PLAAT5: variants seen among roughly 807,000 people sequenced by gnomAD.
PLAAT5 encodes Ca(2+)-independent N-acyltransferase.
A neutral mutation model predicts 27.8 loss-of-function variants in PLAAT5; 27 were observed. That is an observed-to-expected ratio of 0.97 (90% CI 0.72 to 1.34). The LOEUF (loss-of-function observed/expected upper bound fraction) is 1.34, where lower values mean the gene tolerates loss of function less well. Ranked by LOEUF, PLAAT5 falls within the 40% of genes most tolerant of loss-of-function variation. PLAAT5 has a pLI of 0.00. For missense variants in PLAAT5, 368 were observed against 343.8 expected, an observed-to-expected ratio of 1.07 and a Z score of -0.56; for synonymous variants, 125 against 136.1, an observed-to-expected ratio of 0.92 and a Z score of 0.57.
chr11:63,465,356 G>GTAA (rs2015831274), intron 5 of PLAAT5, among the ~76,000 whole-genome samples: 1 of 145,058 alleles, frequency 6.9e-6, no homozygotes, highest in Non-Finnish European at 1.5e-5. Context: ...ATATTGGCAA[G>GTAA]TAATTCAAAC....
chr11:63,482,779 T>C (rs1466043276), intron 3 of PLAAT5, among the ~76,000 whole-genome samples: 2 of 152,156 alleles, frequency 1.3e-5, no homozygotes. Flanking sequence ...AAATTGACTG[T>C]AAATGGCCTA....
rs2015718648 is a variant in PLAAT5 at position 63,461,616 on chromosome 11, C to A, written c.*1887G>T. The A allele has an allele frequency of 6.6e-6, 1 of 152,214 alleles. No individual in the cohort carries two copies. The highest frequency in any genetic ancestry group is 6.5e-5 in the Admixed American group (1 of 15,288). 9.4% of individuals were successfully genotyped at this position (152,214 alleles called of 1,614,324 possible). A position where few individuals can be genotyped will look rare whatever the true frequency, so the allele number is the denominator to read the frequency against. On this transcript the variant is annotated 3_prime_UTR_variant, in exon 6 of 6. Coordinates refer to ENST00000540857, the MANE Select transcript of PLAAT5 (RefSeq NM_001146729.2). The stretch of plus-strand genomic sequence containing the variant: ...ACAGATTAAAAGAGAAACACACACA[C>A]ACACTTTGAGAAACTCGCCCTTCCT...
At chr11:63,477,752 C>T (rs902433759) in intron 3 of PLAAT5, among the ~76,000 whole-genome samples, 3 of 152,158 alleles carry the variant, frequency 2.0e-5, no homozygotes, top group African/African-American at 4.8e-5. Flanking sequence ...GGATTACAGG[C>T]GTGAGCCACA....
intron 3 of PLAAT5, among the ~76,000 whole-genome samples, chr11:63,484,739 G>A (rs535899911): frequency 3.2e-4 from 48 of 152,188 alleles, no homozygotes; most frequent in African/African-American, 9.6e-4. Flanking sequence ...GGAAAAAGAC[G>A]AGGATGCCCA....
Position 63,462,506 on chromosome 11 carries a change from A to G in PLAAT5, c.*997T>C, listed in dbSNP as rs2015744875. ...GAGTCTATTTTCTCCAAATAGGAGA[A>G]AAGCTTATGGAGATACCAACAGACC... On this transcript the variant is annotated 3_prime_UTR_variant, in exon 6 of 6. Transcript: ENST00000540857. 1 of 152,216 alleles carries G rather than the reference A, an allele frequency of 6.6e-6. No individual in the cohort carries two copies. The highest frequency in any genetic ancestry group is 2.1e-4 in the South Asian group (1 of 4,832). The allele number at this position is 152,216 out of a possible 1,614,324, so 9.4% of individuals were successfully genotyped here.
At chr11:63,475,629 G>T (rs1257935030) in intron 3 of PLAAT5, among the ~76,000 whole-genome samples, 2 of 151,826 alleles carry the variant, frequency 1.3e-5, no homozygotes, top group Non-Finnish European at 2.9e-5. Flanking sequence ...AATAAAGTTG[G>T]ATTTATGACT....
chr11:63,471,055 A>G (rs780177392), intron 3 of PLAAT5: 6 of 152,226 alleles, frequency 3.9e-5, no homozygotes, highest in Non-Finnish European at 5.9e-5. Context: ...GAAACCTTAC[A>G]GATGAAATGA....
chr11:63,488,899 T>A lies in PLAAT5; in HGVS notation c.317A>T (p.Glu106Val). 1 of 1,613,680 alleles carries A rather than the reference T, an allele frequency of 6.2e-7. No individual in the cohort carries two copies. Among genetic ancestry groups the A allele is most frequent in the Non-Finnish European group, 8.5e-7 (1 of 1,179,660 alleles). Residue 106 changes from glutamate (E) to valine (V), a missense_variant, in exon 3 of 6, where the codon GAA becomes GTA. Glu to Val is a moderately radical substitution (Grantham distance 121). Coordinates refer to ENST00000540857, the MANE Select transcript of PLAAT5 (RefSeq NM_001146729.2). ...AGCTGCTTGCTTTATTAACTTGCCTTCATTCTCAGGCTTTGGAATTGAACT... is the reference window on the plus strand; with the variant it reads ...AGCTGCTTGCTTTATTAACTTGCCTACATTCTCAGGCTTTGGAATTGAACT... ...DWSSIPKPEN[E>V]GKLIKQAAEG...
chr11:63,465,892 C>T (rs1031562580), intron 5 of PLAAT5, among the ~76,000 whole-genome samples: 8 of 152,142 alleles, frequency 5.3e-5, no homozygotes, highest in East Asian at 1.9e-4. Context: ...GGGCTCCAAT[C>T]GCTGGTCTTA....
At position 63,462,642 on chromosome 11, in the gene PLAAT5, C is replaced by T. The variant is rs1010227536; in HGVS notation, c.*861G>A. 6.6e-6 allele frequency: 1 copy of T among 152,124 alleles called. No individual in the cohort carries two copies. The highest frequency in any genetic ancestry group is 1.9e-4 in the East Asian group (1 of 5,198). The allele number at this position is 152,124 out of a possible 1,614,324, so 9.4% of individuals were successfully genotyped here. A position where few individuals can be genotyped will look rare whatever the true frequency, so the allele number is the denominator to read the frequency against. Reference sequence around the variant, plus strand: ...CTTTTCTAGCTTTTTTGGGTGGTTTCAGCTACCAGCTATCACTACAATCCC... The same window carrying T: ...CTTTTCTAGCTTTTTTGGGTGGTTTTAGCTACCAGCTATCACTACAATCCC... On this transcript the variant is annotated 3_prime_UTR_variant, in exon 6 of 6. Transcript: ENST00000540857.
intron 3 of PLAAT5, chr11:63,470,432 T>C (rs1210464674): frequency 2.5e-5 from 4 of 159,712 alleles, no homozygotes; most frequent in Admixed American, 6.5e-5. Flanking sequence ...AACCCTATGA[T>C]TGAATATGGC....
intron 1 of PLAAT5, 71 bp from the exon 2 acceptor site, chr11:63,490,404 G>A (rs753511605): frequency 6.2e-7 from 1 of 1,611,208 alleles, no homozygotes; most frequent in Admixed American, 1.7e-5. Context: ...GACCGCTACG[G>A]AGAGTGGGCT....
intron 5 of PLAAT5, among the ~76,000 whole-genome samples, chr11:63,464,493 T>C (rs1225928023): frequency 1.3e-5 from 2 of 151,938 alleles, no homozygotes; most frequent in Non-Finnish European, 2.9e-5. Context: ...CCATCTCTAC[T>C]AAAAATACAA....
chr11:63,490,410 G>C, intron 1 of PLAAT5, 77 bp from the exon 2 acceptor site: 1 of 1,609,878 alleles, frequency 6.2e-7, no homozygotes, highest in Non-Finnish European at 8.5e-7. Context: ...TACGGAGAGT[G>C]GGCTCAGAGC....
At chr11:63,485,835 G>A (rs1486785263) in intron 3 of PLAAT5, among the ~76,000 whole-genome samples, 4 of 152,118 alleles carry the variant, frequency 2.6e-5, no homozygotes, top group Admixed American at 6.5e-5. Context: ...AGAGTAAACG[G>A]ACAACCCACA....
At chr11:63,475,197 C>T (rs1318153303) in intron 3 of PLAAT5, among the ~76,000 whole-genome samples, 1 of 146,930 alleles carries the variant, frequency 6.8e-6, no homozygotes, top group Non-Finnish European at 1.5e-5. Flanking sequence ...TCTATCTGCT[C>T]ACTGATTTTC....
Position 63,488,289 on chromosome 11 carries a change from AAG to A in PLAAT5, c.345+580_345+581del, listed in dbSNP as rs138375415. Among the ~76,000 whole-genome samples the A allele has an allele frequency of 4.3e-3, 654 of 152,296 alleles. 6 individuals carry two copies. The highest frequency in any genetic ancestry group is 0.015 in the African/African-American group (630 of 41,570). Reference sequence around the variant, plus strand: ...TGCCTGGGGATGGGAGTGGTATGGGAAGAGAGAGGGATTACAAAAGGCACAAA... The same window carrying A: ...TGCCTGGGGATGGGAGTGGTATGGGAAGAGAGGGATTACAAAAGGCACAAA... On this transcript the variant is annotated intron_variant, in intron 3 of 5. Transcript: ENST00000540857.
intron 3 of PLAAT5, among the ~76,000 whole-genome samples, chr11:63,474,550 C>G (rs2016108964): frequency 6.6e-6 from 1 of 151,998 alleles, no homozygotes; most frequent in Non-Finnish European, 1.5e-5. Context: ...TTTGAGTGCT[C>G]TCTCTTTTTT....
chr11:63,465,210 C>A (rs886440882), intron 5 of PLAAT5, among the ~76,000 whole-genome samples: 2 of 151,818 alleles, frequency 1.3e-5, no homozygotes, highest in African/African-American at 4.8e-5. Context: ...ACCCAGGAGG[C>A]GGAGGTTGCA....
Sources: allele counts gnomAD v4.1 joint callset (sites outside exome capture counted in the v4.1 genomes callset), GRCh38; gene constraint gnomAD v4.1.1; transcripts MANE v1.5; gene names NCBI Gene and HGNC (gene_info 2026-07-23, HGNC 2026-07-21).